The following OTOF variants were observed in gnomAD, a reference collection of about 807,000 sequenced individuals.
OTOF encodes the protein fer-1-like family member 2.
A neutral mutation model predicts 236.8 loss-of-function variants in OTOF; 218 were observed. That is an observed-to-expected ratio of 0.92 (90% CI 0.82 to 1.03). OTOF has a LOEUF of 1.03. Ranked by LOEUF, OTOF falls within the 50% of genes least tolerant of loss-of-function variation. The probability of loss-of-function intolerance (pLI) is 0.00; values close to 1 mark genes in which losing one functional copy is unlikely to be tolerated. For synonymous variants in OTOF, 1,041 were observed against 1,072.5 expected (o/e 0.97, Z 0.57); for missense variants, 2,590 against 2,694.4 (o/e 0.96, Z 0.86).
At chr2:26,469,289 T>A (rs746472908) in intron 32 of OTOF, among the ~76,000 whole-genome samples, 1 of 152,230 alleles carries the variant, frequency 6.6e-6, no homozygotes, top group Non-Finnish European at 1.5e-5. Context: ...CACCGCCACC[T>A]GGTGGCAGTC....
At chr2:26,483,166 CGT>C (rs578238845) in intron 13 of OTOF, among the ~76,000 whole-genome samples, 1 of 149,786 alleles carries the variant, frequency 6.7e-6, no homozygotes, top group African/African-American at 2.5e-5. Context: ...GGTATGCGTG[CGT>C]GTGTGAGTTG....
chr2:26,527,279 T>C (rs1666830755), intron 3 of OTOF, among the ~76,000 whole-genome samples: 1 of 152,234 alleles, frequency 6.6e-6, no homozygotes, highest in South Asian at 2.1e-4. Context: ...AGCTGCCCTT[T>C]GAGGTAAATA....
Position 26,479,286 on chromosome 2 carries a change from A to G in OTOF, c.2192T>C (p.Met731Thr). ...GACCAGCTTGTCGGCAATGTGGTCC[A>G]TGATGTTGGCATTGTAGAGGCGGCG... ...QRRRLYNANIMDHIADKLEEG... is the reference protein window; with the variant it reads ...QRRRLYNANITDHIADKLEEG... The change falls in exon 18 of 47, where the codon ATG becomes ACG. Residue 731 changes from methionine (M) to threonine (T), a missense_variant. Transcript: ENST00000272371. The G allele has an allele frequency of 6.2e-7, 1 of 1,612,948 alleles. No individual in the cohort carries two copies. Among genetic ancestry groups the G allele is most frequent in the Non-Finnish European group, 8.5e-7 (1 of 1,179,962 alleles).
chr2:26,470,957 G>A lies in OTOF; in HGVS notation c.3894+164C>T, dbSNP rs936054513. ...CCAAGCAGGACTGGCACCGAGTCCT[G>A]CACTCACCCAGCTCTTTTCCACTGC... On this transcript the variant is annotated intron_variant, in intron 31 of 46. Transcript: ENST00000272371. The surrounding 1 kb of genome is among the most constrained non-coding windows in gnomAD (Gnocchi z 4.3). 3.9e-5 allele frequency among the ~76,000 whole-genome samples: 6 copies of A among 152,202 alleles called. No individual in the cohort carries two copies. Among genetic ancestry groups the A allele is most frequent in the Admixed American group, 2.0e-4 (3 of 15,300 alleles).
In OTOF at chr2:26,474,599, G is replaced by A. The variant is rs1471267138; in HGVS notation, c.3202C>T (p.Arg1068Cys). ...KMADEAYCPP[R>C]FPPQLEYYQI... The stretch of plus-strand genomic sequence containing the variant: ...TAGTACTCGAGCTGAGGTGGGAAGC[G>A]GGGTGGGCAGTACGCCTCGTCTGCC... Residue 1068 changes from arginine to cysteine, a missense_variant, in exon 26 of 47, where the codon CGC (arginine) becomes TGC (cysteine). This residue lies in a region of OTOF where 1,211 missense variants were observed against 1,352.8 expected (regional missense o/e 0.90). Coordinates refer to ENST00000272371, the MANE Select transcript of OTOF (RefSeq NM_194248.3). The A allele has an allele frequency of 1.3e-5, 21 of 1,613,132 alleles. No homozygotes were observed. Among genetic ancestry groups the A allele is most frequent in the Admixed American group, 8.3e-5 (5 of 60,010 alleles).
chr2:26,494,603 C>T (rs2148071486), intron 9 of OTOF, among the ~76,000 whole-genome samples: 1 of 149,408 alleles, frequency 6.7e-6, no homozygotes, highest in Admixed American at 6.7e-5. Context: ...GCAGCCCTGT[C>T]CTTGGGCTCT....
intron 8 of OTOF, among the ~76,000 whole-genome samples, chr2:26,499,791 G>A (rs912095579): frequency 1.3e-5 from 2 of 152,126 alleles, no homozygotes; most frequent in African/African-American, 2.4e-5. Flanking sequence ...CACTGCACCC[G>A]GCCTGCTTTT....
intron 5 of OTOF, among the ~76,000 whole-genome samples, chr2:26,511,174 TGCTC>T (rs1666379856): frequency 1.3e-5 from 2 of 152,214 alleles, no homozygotes; most frequent in Non-Finnish European, 2.9e-5. Flanking sequence ...CCTGCTCCCC[TGCTC>T]CCCTCCAATG....
At chr2:26,523,249 T>C (rs1666723440) in intron 3 of OTOF, among the ~76,000 whole-genome samples, 1 of 152,208 alleles carries the variant, frequency 6.6e-6, no homozygotes, top group Admixed American at 6.5e-5. Flanking sequence ...AACATTTCTT[T>C]CTCATGGGGA....
At chr2:26,514,140 GAGA>G (rs1666459181) in intron 5 of OTOF, among the ~76,000 whole-genome samples, 1 of 152,270 alleles carries the variant, frequency 6.6e-6, no homozygotes, top group Non-Finnish European at 1.5e-5. Flanking sequence ...GGCCTGGCGG[GAGA>G]AGGTGTAGCA....
intron 5 of OTOF, among the ~76,000 whole-genome samples, chr2:26,507,905 C>T (rs922063640): frequency 4.6e-5 from 7 of 152,272 alleles, no homozygotes; most frequent in African/African-American, 1.4e-4. Context: ...ATGATTTCTC[C>T]GCTCATTTTA....
chr2:26,475,111 C>T (rs1665188351), intron 25 of OTOF, among the ~76,000 whole-genome samples: 2 of 152,038 alleles, frequency 1.3e-5, no homozygotes, highest in African/African-American at 4.8e-5. Context: ...GCTGGCACAC[C>T]TCCAGGGCTC....
chr2:26,550,720 T>C (rs953269514), intron 1 of OTOF, among the ~76,000 whole-genome samples: 1 of 152,154 alleles, frequency 6.6e-6, no homozygotes, highest in Non-Finnish European at 1.5e-5. Context: ...TCCTCTCTCA[T>C]GGCGCCTGCT....
intron 2 of OTOF, among the ~76,000 whole-genome samples, chr2:26,534,774 C>A (rs1288029966): frequency 1.3e-5 from 2 of 152,170 alleles, no homozygotes; most frequent in Non-Finnish European, 2.9e-5. Context: ...TGGTGTAGGT[C>A]TCATGACTCC....
chr2:26,479,498 G>T lies in OTOF; in HGVS notation c.2068C>A (p.Pro690Thr), dbSNP rs1477856735. The change falls in exon 17 of 47, where the codon CCA becomes ACA. Residue 690 changes from proline to threonine, a missense_variant. Physicochemically the swap from Pro to Thr is conservative, Grantham distance 38. Around this residue, in one of 2 missense-constraint regions of OTOF, gnomAD observed 1,379 missense variants for 1,341.6 expected, o/e 1.03. Transcript: ENST00000272371. ...CTGTCGGTGACCTGGGGCCGCATTGGTGGAGTGGAGGAGACTGAGGCCAGG... is the reference window on the plus strand; with the variant it reads ...CTGTCGGTGACCTGGGGCCGCATTGTTGGAGTGGAGGAGACTGAGGCCAGG... Reference protein sequence around the residue: ...GDLASVSSTPPMRPQVTDRNY... With the variant: ...GDLASVSSTPTMRPQVTDRNY... 1 of 1,602,794 alleles carries T rather than the reference G, an allele frequency of 6.2e-7. No individual in the cohort carries two copies. The highest frequency in any genetic ancestry group is 1.7e-5 in the Admixed American group (1 of 57,840).
At chr2:26,481,717 C>T (rs557630377) in intron 14 of OTOF, among the ~76,000 whole-genome samples, 2 of 152,156 alleles carry the variant, frequency 1.3e-5, no homozygotes, top group Admixed American at 6.5e-5. Flanking sequence ...GTTCCACCCC[C>T]TCAAAAGAAA....
chr2:26,539,606 A>G (rs754373836), intron 1 of OTOF, among the ~76,000 whole-genome samples: 13 of 152,132 alleles, frequency 8.5e-5, no homozygotes, highest in Non-Finnish European at 1.0e-4. Flanking sequence ...GTGGTGGCAC[A>G]TGCCTGTAAT....
Position 26,476,314 on chromosome 2 carries a change from G to A in OTOF, c.2680C>T (p.Pro894Ser). 1 of 1,602,614 alleles carries A rather than the reference G, an allele frequency of 6.2e-7. No individual in the cohort carries two copies. The highest frequency in any genetic ancestry group is 8.5e-7 in the Non-Finnish European group (1 of 1,179,718). Residue 894 changes from proline to serine, a missense_variant, in exon 23 of 47, where the codon CCA becomes TCA. This residue lies in a region of OTOF where 1,379 missense variants were observed against 1,341.6 expected (regional missense o/e 1.03). Coordinates refer to ENST00000272371, the MANE Select transcript of OTOF (RefSeq NM_194248.3). ...GCCGAGCCGAAGCCCCGCTTCCCTG[G>A]CAGCTGGGGGTGGGCATGGGGTCAC... ...AKVKTLFLKL[P>S]GKRGFGSAGW...
intron 1 of OTOF, among the ~76,000 whole-genome samples, chr2:26,548,019 T>C (rs777495142): frequency 1.3e-5 from 2 of 152,190 alleles, no homozygotes; most frequent in Non-Finnish European, 2.9e-5. Context: ...TTTTGGTAAG[T>C]TGTTTTTCAA....
Sources: allele counts gnomAD v4.1 joint callset (sites outside exome capture counted in the v4.1 genomes callset), GRCh38; gene constraint gnomAD v4.1.1; regional missense constraint gnomAD v4.1.1; non-coding constraint Gnocchi (gnomAD v3.1); transcripts MANE v1.5; gene names NCBI Gene and HGNC (gene_info 2026-07-23, HGNC 2026-07-21).